The following ZNF385D variants were observed in gnomAD, a reference collection of about 807,000 sequenced individuals.
The protein encoded by ZNF385D is zinc finger protein 659.
Under a neutral mutation model 35.8 loss-of-function variants are expected in ZNF385D, and 15 were observed. The ratio of observed to expected loss-of-function variants is 0.42; its 90% confidence interval spans 0.28 to 0.64. ZNF385D has a LOEUF of 0.64. ZNF385D is among the 30% of genes least tolerant of loss of function. The pLI, the probability that ZNF385D is intolerant of heterozygous loss-of-function variation, is 0.23. For missense variants in ZNF385D, 474 were observed against 494.6 expected, an observed-to-expected ratio of 0.96 and a Z score of 0.39; for synonymous variants, 212 against 186.8, an observed-to-expected ratio of 1.13 and a Z score of -1.10.
chr3:22,252,561 T>A (rs563229890), intron 2 of ZNF385D, among the ~76,000 whole-genome samples: 2 of 152,184 alleles, frequency 1.3e-5, no homozygotes, highest in South Asian at 4.1e-4. Flanking sequence ...ATTTATTTAA[T>A]GATTATTGGG....
In ZNF385D at chr3:21,665,013, C is replaced by G. The variant is rs766661547; in HGVS notation, c.38G>C (p.Ser13Thr). 1 of 1,611,116 alleles carries G rather than the reference C, an allele frequency of 6.2e-7. No homozygotes were observed. Among genetic ancestry groups the G allele is most frequent in the Non-Finnish European group, 8.5e-7 (1 of 1,178,568 alleles). ...ACGGACAAGGGCCGGGAGAGCAGGA[C>G]TCTGGCATGTACCACCTGTGAAGAC... ...NIMYFGGTCQSPALPALVRPP... is the reference protein window; with the variant it reads ...NIMYFGGTCQTPALPALVRPP... Residue 13 changes from serine to threonine, a missense_variant, in exon 2 of 8, where the codon AGT becomes ACT. Physicochemically the swap from Ser to Thr is moderately conservative, Grantham distance 58. Coordinates refer to ENST00000281523, the MANE Select transcript of ZNF385D (RefSeq NM_024697.3).
At chr3:22,047,544 C>G (rs1213869584) in intron 3 of ZNF385D, among the ~76,000 whole-genome samples, 1 of 152,058 alleles carries the variant, frequency 6.6e-6, no homozygotes, top group Non-Finnish European at 1.5e-5. Context: ...TAATGTGCTC[C>G]AAGCTCATCC....
At chr3:22,244,450 A>C (rs9844409) in intron 2 of ZNF385D, among the ~76,000 whole-genome samples, 11,744 of 149,908 alleles carry the variant, frequency 0.078, 1,669 homozygotes, top group African/African-American at 0.24. Flanking sequence ...TATCATCAAT[A>C]CAAGAAATAC....
At chr3:21,660,653 T>C (rs2066210854) in intron 2 of ZNF385D, among the ~76,000 whole-genome samples, 1 of 152,178 alleles carries the variant, frequency 6.6e-6, no homozygotes, top group African/African-American at 2.4e-5. Context: ...TCATAAAATG[T>C]GGCCATTTTT....
intron 2 of ZNF385D, among the ~76,000 whole-genome samples, chr3:21,626,492 C>A (rs2065138176): frequency 6.6e-6 from 1 of 152,084 alleles, no homozygotes; most frequent in African/African-American, 2.4e-5. Context: ...TGTGACATTT[C>A]CTTTTGCTCC....
intron 4 of ZNF385D, among the ~76,000 whole-genome samples, chr3:21,471,396 T>G (rs1703894452): frequency 6.6e-6 from 1 of 151,678 alleles, no homozygotes. Flanking sequence ...AGGACATTAT[T>G]TTCATGGACA....
intron 4 of ZNF385D, among the ~76,000 whole-genome samples, chr3:21,455,057 T>C (rs894373680): frequency 6.6e-6 from 1 of 152,076 alleles, no homozygotes; most frequent in Non-Finnish European, 1.5e-5. Flanking sequence ...CAAGGAGAAC[T>C]ACAAGCCACT....
chr3:21,768,722 G>C (rs1284343731), intron 3 of ZNF385D, among the ~76,000 whole-genome samples: 3 of 151,942 alleles, frequency 2.0e-5, no homozygotes, highest in Admixed American at 2.0e-4. Context: ...CAGACCAAGA[G>C]GTGGGTAGTT....
At chr3:21,815,369 C>T (rs951182943) in intron 3 of ZNF385D, among the ~76,000 whole-genome samples, 1 of 152,046 alleles carries the variant, frequency 6.6e-6, no homozygotes, top group African/African-American at 2.4e-5. Flanking sequence ...ACACAAAATA[C>T]CCTTCAAAAA....
At chr3:22,178,276 T>G (rs573864021) in intron 2 of ZNF385D, among the ~76,000 whole-genome samples, 234 of 152,342 alleles carry the variant, frequency 1.5e-3, no homozygotes, top group African/African-American at 5.2e-3. Context: ...TGATTGCCAT[T>G]CTAACTGGTG....
intron 1 of ZNF385D, among the ~76,000 whole-genome samples, chr3:21,706,851 GATAA>G (rs1297621759): frequency 2.6e-3 from 331 of 128,210 alleles, no homozygotes; most frequent in African/African-American, 8.6e-3. Flanking sequence ...TAGATAGATA[GATAA>G]ATAGATTAGA....
intron 2 of ZNF385D, among the ~76,000 whole-genome samples, chr3:21,572,135 C>T (rs1408717641): frequency 6.6e-6 from 1 of 152,086 alleles, no homozygotes; most frequent in East Asian, 1.9e-4. Context: ...CCTGACTCAG[C>T]TCATTAATAT....
At chr3:22,341,904 G>A (rs1398085380) in intron 2 of ZNF385D, among the ~76,000 whole-genome samples, 2 of 152,156 alleles carry the variant, frequency 1.3e-5, no homozygotes, top group Non-Finnish European at 2.9e-5. Flanking sequence ...AGCTATTACT[G>A]TTAATTATGG....
At chr3:21,523,149 G>A (rs1326716260) in intron 3 of ZNF385D, among the ~76,000 whole-genome samples, 2 of 152,216 alleles carry the variant, frequency 1.3e-5, no homozygotes, top group South Asian at 2.1e-4. Context: ...ATAAGTGAAT[G>A]AATACATGAT....
rs1038828677 is a variant in ZNF385D at position 22,349,507 on chromosome 3, C to A, written c.106+22943G>T. On this transcript the variant is annotated intron_variant, in intron 2 of 5. Transcript: ENST00000494108. ...ATCTGTGTTTCCTACCTCACACGTA[C>A]TGAACATTTACTCTTCAAGAAAGAG... Among the ~76,000 whole-genome samples the A allele has an allele frequency of 3.9e-4, 59 of 152,178 alleles. 1 individual carries two copies. The highest frequency in any genetic ancestry group is 3.9e-3 in the Admixed American group (59 of 15,270).
chr3:21,768,327 T>C (rs191722317), intron 3 of ZNF385D, among the ~76,000 whole-genome samples: 1 of 152,220 alleles, frequency 6.6e-6, no homozygotes, highest in African/African-American at 2.4e-5. Context: ...TTAAAGTAAT[T>C]ACATTAACAT....
At chr3:21,746,271 A>G (rs940395442) in intron 1 of ZNF385D, among the ~76,000 whole-genome samples, 1 of 152,240 alleles carries the variant, frequency 6.6e-6, no homozygotes, top group Non-Finnish European at 1.5e-5. Flanking sequence ...AAATAAGCAT[A>G]CCTCATTTCC....
At chr3:21,463,426 G>A (rs1703310637) in intron 4 of ZNF385D, among the ~76,000 whole-genome samples, 1 of 152,148 alleles carries the variant, frequency 6.6e-6, no homozygotes. Flanking sequence ...TGAAGAGATA[G>A]AGAGCATGCA....
intron 3 of ZNF385D, among the ~76,000 whole-genome samples, chr3:22,044,232 G>C (rs1212868205): frequency 6.6e-6 from 1 of 151,832 alleles, no homozygotes; most frequent in African/African-American, 2.4e-5. Flanking sequence ...TCACTTATTT[G>C]TTTGTTTACT....
Sources: gnomAD v4.1 joint callset for allele counts (sites outside exome capture counted in the v4.1 genomes callset) on GRCh38, gnomAD v4.1.1 for gene constraint, MANE v1.5 for transcripts, NCBI Gene and HGNC (gene_info 2026-07-23, HGNC 2026-07-21) for gene names.